The following STARD13 variants were observed in gnomAD, a reference collection of about 807,000 sequenced individuals.
The protein encoded by STARD13 is stAR-related lipid transfer protein 13.
STARD13 carries 62 observed loss-of-function variants against 106.4 expected under a neutral mutation model. The observed-to-expected ratio is 0.58, with a 90% CI of 0.48 to 0.72. The LOEUF (loss-of-function observed/expected upper bound fraction) is 0.72, where lower values mean the gene tolerates loss of function less well. STARD13 is among the 30% of genes least tolerant of loss of function. The pLI is 0.00. For missense variants in STARD13, 1,387 were observed against 1,424.0 expected (o/e 0.97, Z 0.42); for synonymous variants, 565 against 553.0 (o/e 1.02, Z -0.31).
chr13:33,535,841 C>T, the STARD13 span, among the ~76,000 whole-genome samples: 1 of 152,288 alleles, frequency 6.6e-6, no homozygotes, highest in Middle Eastern at 3.4e-3. Flanking sequence ...ATAAAAGGCA[C>T]ATTTGTTTTA....
At chr13:33,257,507 C>T (rs1270532970) in intron 1 of STARD13, among the ~76,000 whole-genome samples, 2 of 152,120 alleles carry the variant, frequency 1.3e-5, no homozygotes, top group African/African-American at 4.8e-5. Flanking sequence ...TGAATGACAT[C>T]ACAGCAGCTG....
chr13:33,407,642 C>T, the STARD13 span, among the ~76,000 whole-genome samples: 1 of 152,178 alleles, frequency 6.6e-6, no homozygotes, highest in African/African-American at 2.4e-5. Flanking sequence ...ACACATATCT[C>T]AGAGGGTCTT....
chr13:33,515,682 C>T, the STARD13 span, among the ~76,000 whole-genome samples: 14 of 152,102 alleles, frequency 9.2e-5, no homozygotes, highest in Non-Finnish European at 1.8e-4. Context: ...CTTTATTTTG[C>T]GTGTCCAAGA....
chr13:33,308,770 C>T (rs780666064), intron 1 of STARD13, among the ~76,000 whole-genome samples: 4 of 152,206 alleles, frequency 2.6e-5, no homozygotes, highest in African/African-American at 7.2e-5. Flanking sequence ...GTGATCCACC[C>T]GCCTTGGCCT....
At chr13:33,602,063 C>T in the STARD13 span, among the ~76,000 whole-genome samples, 1 of 151,880 alleles carries the variant, frequency 6.6e-6, no homozygotes, top group African/African-American at 2.4e-5. Flanking sequence ...ATAATCTGAA[C>T]CACCTCCTGT....
At chr13:33,346,120 C>T (rs146442042), downstream of STARD13, among the ~76,000 whole-genome samples, 21 of 152,326 alleles carry the variant, frequency 1.4e-4, no homozygotes, top group Non-Finnish European at 2.9e-4. Context: ...TATTGTGTGT[C>T]AGGCACACAG....
the STARD13 span, among the ~76,000 whole-genome samples, chr13:33,443,161 A>G: frequency 3.3e-5 from 5 of 151,820 alleles, 1 homozygote; most frequent in East Asian, 5.8e-4. Context: ...GGCGGATCAC[A>G]AGGTCAGGAG....
At chr13:33,303,945 C>A (rs1001619534) in intron 1 of STARD13, among the ~76,000 whole-genome samples, 6 of 152,204 alleles carry the variant, frequency 3.9e-5, no homozygotes, top group Admixed American at 6.5e-5. Context: ...TGTGACATCA[C>A]CAGGAGCTTC....
chr13:33,373,922 C>A, the STARD13 span, among the ~76,000 whole-genome samples: 1 of 152,262 alleles, frequency 6.6e-6, no homozygotes, highest in African/African-American at 2.4e-5. Context: ...TATGATCCAG[C>A]AATTCCACTT....
chr13:33,606,036 G>A, the STARD13 span, among the ~76,000 whole-genome samples: 17 of 152,170 alleles, frequency 1.1e-4, no homozygotes, highest in South Asian at 1.5e-3. Context: ...ACGGTGGGTC[G>A]TGCTTGTAAT....
the STARD13 span, among the ~76,000 whole-genome samples, chr13:33,572,024 T>C: frequency 6.6e-6 from 1 of 152,120 alleles, no homozygotes; most frequent in Non-Finnish European, 1.5e-5. Flanking sequence ...TTAATTAAAT[T>C]GCACACCAGA....
chr13:33,469,874 G>A, the STARD13 span, among the ~76,000 whole-genome samples: 1 of 152,082 alleles, frequency 6.6e-6, no homozygotes, highest in South Asian at 2.1e-4. Context: ...GACATGAGCT[G>A]TACAGCTTTT....
upstream of STARD13, among the ~76,000 whole-genome samples, chr13:33,353,693 A>C (rs1288224788): frequency 6.6e-6 from 1 of 152,230 alleles, no homozygotes; most frequent in African/African-American, 2.4e-5. Context: ...TACTATTATA[A>C]TTACATTACT....
chr13:33,208,491 C>T (rs1887539608), intron 1 of STARD13, among the ~76,000 whole-genome samples: 1 of 152,070 alleles, frequency 6.6e-6, no homozygotes. Context: ...GGGGCGGAAC[C>T]ATATATGGGA....
At chr13:33,542,912 C>T in the STARD13 span, among the ~76,000 whole-genome samples, 33 of 152,342 alleles carry the variant, frequency 2.2e-4, no homozygotes, top group African/African-American at 5.8e-4. Context: ...GTGGCCCCTG[C>T]TTTCCTTTCT....
intron 2 of STARD13, among the ~76,000 whole-genome samples, chr13:33,167,151 G>A (rs1192177825): frequency 6.6e-6 from 1 of 152,092 alleles, no homozygotes; most frequent in South Asian, 2.1e-4. Flanking sequence ...GAAATTTCAG[G>A]ATAATTAATT....
At chr13:33,302,126 A>T (rs906916899) in intron 1 of STARD13, among the ~76,000 whole-genome samples, 16 of 152,178 alleles carry the variant, frequency 1.1e-4, no homozygotes, top group African/African-American at 3.6e-4. Flanking sequence ...ATTCATACCT[A>T]CCTGGAGGAA....
intron 3 of STARD13, among the ~76,000 whole-genome samples, chr13:33,148,731 A>G (rs1219818930): frequency 6.6e-6 from 1 of 152,242 alleles, no homozygotes; most frequent in African/African-American, 2.4e-5. Flanking sequence ...ATTTACTCAA[A>G]TGAATGGAAA....
intron 1 of STARD13, among the ~76,000 whole-genome samples, chr13:33,324,930 C>T (rs9537199): frequency 0.62 from 94,214 of 152,040 alleles, 30,449 homozygotes; most frequent in East Asian, 0.94. Context: ...CAGACTGTAC[C>T]GGAAATGTCA....
Sources: gnomAD v4.1 joint callset for allele counts (sites outside exome capture counted in the v4.1 genomes callset) on GRCh38, gnomAD v4.1.1 for gene constraint, MANE v1.5 for transcripts, NCBI Gene and HGNC (gene_info 2026-07-23, HGNC 2026-07-21) for gene names.